Variants in SLC38A8 observed in about 807,000 individuals in gnomAD.
SLC38A8 encodes the protein amino acid transporter SLC38A8.
A neutral mutation model predicts 46.0 loss-of-function variants in SLC38A8; 65 were observed. That is an observed-to-expected ratio of 1.41 (90% confidence interval 1.16 to 1.74). The LOEUF (loss-of-function observed/expected upper bound fraction) is 1.74, where lower values mean the gene tolerates loss of function less well. Ranked by LOEUF, SLC38A8 falls within the 40% of genes most tolerant of loss-of-function variation. SLC38A8 has a pLI of 0.00. For synonymous variants in SLC38A8, 447 were observed against 243.7 expected (o/e 1.83, Z -7.77); for missense variants, 998 against 567.9 (o/e 1.76, Z -7.70).
intron 2 of SLC38A8, among the ~76,000 whole-genome samples, chr16:84,037,664 G>C (rs1028489343): frequency 2.0e-5 from 3 of 151,980 alleles, no homozygotes; most frequent in East Asian, 1.9e-4. Flanking sequence ...ATGAGGCTGA[G>C]GCAGCAAAAT....
At chr16:84,026,286 G>C (rs1345210720) in intron 6 of SLC38A8, among the ~76,000 whole-genome samples, 2 of 152,198 alleles carry the variant, frequency 1.3e-5, no homozygotes, top group Admixed American at 6.5e-5. Flanking sequence ...CTGGAGTACA[G>C]TTGCATGATC....
intron 6 of SLC38A8, 89 bp downstream of exon 6, chr16:84,029,405 G>T: frequency 7.0e-7 from 1 of 1,425,928 alleles, no homozygotes; most frequent in Non-Finnish European, 9.8e-7. Context: ...ACGCCTCCCT[G>T]ACAGAGAAAC....
chr16:84,042,895 C>A (rs975521425), upstream of SLC38A8, among the ~76,000 whole-genome samples: 5 of 152,182 alleles, frequency 3.3e-5, no homozygotes, highest in African/African-American at 1.2e-4. Flanking sequence ...TTCTCAGCTG[C>A]CCTGGAGGGT....
chr16:84,038,387 T>TC (rs775789056), intron 2 of SLC38A8, among the ~76,000 whole-genome samples: 176 of 151,774 alleles, frequency 1.2e-3, no homozygotes, highest in Non-Finnish European at 2.0e-3. Flanking sequence ...GCCACCCGAC[T>TC]CCCCCATGAC....
At chr16:84,012,327 T>G (rs1597246490) in intron 10 of SLC38A8, among the ~76,000 whole-genome samples, 1 of 152,286 alleles carries the variant, frequency 6.6e-6, no homozygotes, top group Non-Finnish European at 1.5e-5. Context: ...AGTGGCAAAG[T>G]ACAGAGGCTC....
At chr16:84,023,649 T>C (rs28429289) in intron 6 of SLC38A8, among the ~76,000 whole-genome samples, 3,041 of 152,192 alleles carry the variant, frequency 0.02, 105 homozygotes, top group African/African-American at 0.068. Context: ...ACCCCAGCAC[T>C]TTGGGAGGCC....
Position 84,016,644 on chromosome 16 carries a change from A to G in SLC38A8, c.1037T>C (p.Val346Ala). The change falls in exon 9 of 11, where the codon GTC becomes GCC. Residue 346 changes from valine to alanine, a missense_variant. Transcript: ENST00000299709. Reference sequence around the variant, plus strand: ...CCACAGGATGGTCAGCGGCATCCGGACCCACAGCCCTGAGGGGTCGGCCAG... The same window carrying G: ...CCACAGGATGGTCAGCGGCATCCGGGCCCACAGCCCTGAGGGGTCGGCCAG... ...SALADPSGLW[V>A]RMPLTILWVT... 1 of 1,613,884 alleles carries G rather than the reference A, an allele frequency of 6.2e-7. No homozygotes were observed. The highest frequency in any genetic ancestry group is 1.3e-5 in the African/African-American group (1 of 75,056).
chr16:84,025,675 C>G (rs774791199), intron 6 of SLC38A8, among the ~76,000 whole-genome samples: 5 of 152,214 alleles, frequency 3.3e-5, no homozygotes, highest in African/African-American at 1.2e-4. Context: ...CTCTGTCACT[C>G]ATGAGTCCTC....
At chr16:84,028,476 T>G (rs1597267078) in intron 6 of SLC38A8, among the ~76,000 whole-genome samples, 1 of 150,704 alleles carries the variant, frequency 6.6e-6, no homozygotes, top group South Asian at 2.1e-4. Context: ...TCCCAGCTAC[T>G]CAGGAGGCTT....
intron 6 of SLC38A8, among the ~76,000 whole-genome samples, chr16:84,028,406 C>A (rs1021973737): frequency 7.3e-5 from 11 of 151,724 alleles, no homozygotes; most frequent in Non-Finnish European, 1.5e-4. Context: ...CATAGTGAAA[C>A]TCCCTCTGTA....
intron 6 of SLC38A8, among the ~76,000 whole-genome samples, chr16:84,028,313 G>A (rs760985792): frequency 6.1e-4 from 93 of 152,248 alleles, no homozygotes; most frequent in Non-Finnish European, 3.5e-4. Flanking sequence ...AGGCACGGTG[G>A]CTCACGCCTA....
intron 10 of SLC38A8, among the ~76,000 whole-genome samples, chr16:84,011,697 G>T (rs536323585): frequency 6.6e-6 from 1 of 152,294 alleles, no homozygotes; most frequent in East Asian, 1.9e-4. Flanking sequence ...ATTTAGGGTG[G>T]ACCCTAATCT....
intron 10 of SLC38A8, among the ~76,000 whole-genome samples, chr16:84,010,233 G>A (rs2084938250): frequency 6.6e-6 from 1 of 151,956 alleles, no homozygotes; most frequent in Non-Finnish European, 1.5e-5. Flanking sequence ...ATGACACGAG[G>A]CCAATTTTTG....
At chr16:84,035,369 C>T (rs938209856) in intron 3 of SLC38A8, among the ~76,000 whole-genome samples, 1 of 152,164 alleles carries the variant, frequency 6.6e-6, no homozygotes, top group Non-Finnish European at 1.5e-5. Flanking sequence ...AGTCAGGGGC[C>T]TTTTGCTTCA....
intron 8 of SLC38A8, 48 bp from the exon 9 acceptor site, chr16:84,016,775 G>C (rs369418083): frequency 6.4e-7 from 1 of 1,572,476 alleles, no homozygotes; most frequent in Admixed American, 1.7e-5. Flanking sequence ...AGGGGCACCA[G>C]CCTCCACCCG....
chr16:84,029,454 C>T, intron 6 of SLC38A8, 40 bp downstream of exon 6: 2 of 1,609,938 alleles, frequency 1.2e-6, no homozygotes, highest in Non-Finnish European at 1.7e-6. Flanking sequence ...CCCACAGCCT[C>T]TGCAAACGCC....
intron 2 of SLC38A8, chr16:84,039,806 G>A (rs1443117572): frequency 6.9e-6 from 1 of 144,364 alleles, no homozygotes; most frequent in African/African-American, 2.5e-5. Context: ...AGCCTCACTG[G>A]TGAGCCAGCC....
intron 10 of SLC38A8, among the ~76,000 whole-genome samples, chr16:84,012,688 C>T (rs1012208613): frequency 3.3e-5 from 5 of 152,186 alleles, no homozygotes; most frequent in African/African-American, 9.7e-5. Context: ...GCCCTGGGTC[C>T]GAGCCAGGTA....
At chr16:84,028,045 ATTTT>A (rs11297375) in intron 6 of SLC38A8, among the ~76,000 whole-genome samples, 1 of 145,414 alleles carries the variant, frequency 6.9e-6, no homozygotes. Flanking sequence ...ATGTTTCAAG[ATTTT>A]TTTTTTTTTT....
Sources: allele counts gnomAD v4.1 joint callset (sites outside exome capture counted in the v4.1 genomes callset), GRCh38; gene constraint gnomAD v4.1.1; transcripts MANE v1.5; gene names NCBI Gene and HGNC (gene_info 2026-07-23, HGNC 2026-07-21).